NDE1: variants seen among roughly 807,000 people sequenced by gnomAD.
NDE1 encodes nudE neurodevelopment protein 1.
A neutral mutation model predicts 43.4 loss-of-function variants in NDE1; 28 were observed. That is an observed-to-expected ratio of 0.65 (90% CI 0.48 to 0.89). NDE1 has a LOEUF of 0.89. Ranked by LOEUF, NDE1 falls within the 40% of genes least tolerant of loss-of-function variation. NDE1 has a pLI of 0.00. For missense variants in NDE1, 441 were observed against 434.1 expected, an observed-to-expected ratio of 1.02 and a Z score of -0.14; for synonymous variants, 184 against 172.0, an observed-to-expected ratio of 1.07 and a Z score of -0.55.
rs1555551468 is a variant in NDE1 at position 15,719,591 on chromosome 16, T to C, written c.948-4600T>C. Reference sequence around the variant, plus strand: ...TAGCAAGGCGAGGCTTTACCTCTTGTAGCTGCATGAGGTCTGCTTCCAAGC... The same window carrying C: ...TAGCAAGGCGAGGCTTTACCTCTTGCAGCTGCATGAGGTCTGCTTCCAAGC... On this transcript the variant is annotated intron_variant, in intron 8 of 8. Coordinates refer to ENST00000396354, the MANE Select transcript of NDE1 (RefSeq NM_017668.3). The C allele has an allele frequency of 3.1e-6, 5 of 1,614,058 alleles. No individual in the cohort carries two copies. Among genetic ancestry groups the C allele is most frequent in the Non-Finnish European group, 4.2e-6 (5 of 1,180,054 alleles).
chr16:15,702,499 C>G (rs2039253277), intron 8 of NDE1, among the ~76,000 whole-genome samples: 1 of 152,016 alleles, frequency 6.6e-6, no homozygotes, highest in South Asian at 2.1e-4. Flanking sequence ...ACATGATCCT[C>G]CTGCCTTAGC....
intron 8 of NDE1, chr16:15,719,853 C>G: frequency 1.5e-6 from 2 of 1,290,858 alleles, no homozygotes; most frequent in South Asian, 2.4e-5. Context: ...GCATGGCTCT[C>G]AGTTCCAGGT....
intron 8 of NDE1, chr16:15,718,366 C>T: frequency 3.7e-6 from 6 of 1,607,944 alleles, no homozygotes; most frequent in Non-Finnish European, 5.1e-6. Context: ...TGTTGCCCTG[C>T]TCCTCCTCCA....
intron 3 of NDE1, 93 bp from the exon 4 acceptor site, chr16:15,677,708 C>G: frequency 2.1e-6 from 3 of 1,435,364 alleles, no homozygotes; most frequent in South Asian, 1.2e-5. Flanking sequence ...TTTAGCCTCC[C>G]GAGTAGCTGT....
rs551479045 is a variant in NDE1, at chr16:15,724,536, G to A, written c.*285G>A. The A allele has an allele frequency of 6.2e-7, 1 of 1,603,342 alleles. No homozygotes were observed. The highest frequency in any genetic ancestry group is 1.7e-5 in the Admixed American group (1 of 59,970). On this transcript the variant is annotated 3_prime_UTR_variant, in exon 9 of 9. Coordinates refer to ENST00000396354, the MANE Select transcript of NDE1 (RefSeq NM_017668.3). ...GAGAAACCCAATAGCAGGGGAAGCT[G>A]GGGGGTCAAGCACCATCGCACCAAC...
In NDE1 at chr16:15,694,149, C is replaced by G; in HGVS notation, c.704-16C>G. ...ATAGGTTGGTGAGTTACATGCTCTTCCCTTTGCACACCCAGGCCTGGACGA... is the reference window on the plus strand; with the variant it reads ...ATAGGTTGGTGAGTTACATGCTCTTGCCTTTGCACACCCAGGCCTGGACGA... On this transcript the variant is annotated splice_polypyrimidine_tract_variant and intron_variant, in intron 6 of 8. Transcript: ENST00000396354. The G allele has an allele frequency of 6.2e-7, 1 of 1,611,914 alleles. No homozygotes were observed. The highest frequency in any genetic ancestry group is 1.1e-5 in the South Asian group (1 of 90,870).
Position 15,723,473 on chromosome 16 carries a change from C to T in NDE1, c.948-718C>T, listed in dbSNP as rs573064877. Among the ~76,000 whole-genome samples the T allele has an allele frequency of 1.0e-3, 157 of 152,154 alleles. 1 individual carries two copies. Among genetic ancestry groups the T allele is most frequent in the Non-Finnish European group, 1.9e-3 (126 of 68,006 alleles). On this transcript the variant is annotated intron_variant, in intron 8 of 8. Coordinates refer to ENST00000396354, the MANE Select transcript of NDE1 (RefSeq NM_017668.3). ...ACCAGCCTGGACAACATGGCAAAACCCCATCTCTACTAAAAATACAAAAAT... is the reference window on the plus strand; with the variant it reads ...ACCAGCCTGGACAACATGGCAAAACTCCATCTCTACTAAAAATACAAAAAT...
At chr16:15,714,855 A>T in intron 8 of NDE1, 1 of 1,606,584 alleles carries the variant, frequency 6.2e-7, no homozygotes, top group Non-Finnish European at 8.5e-7. Flanking sequence ...CCGAGCCCCC[A>T]GTGCTTTTCT....
At chr16:15,678,028 G>C in intron 4 of NDE1, 79 bp downstream of exon 4, 1 of 1,552,696 alleles carries the variant, frequency 6.4e-7, no homozygotes. Context: ...ACTGGGCCCT[G>C]TGCTGAGTAT....
At chr16:15,677,977 G>T (rs1382004222) in intron 4 of NDE1, 28 bp downstream of exon 4, 4 of 1,613,366 alleles carry the variant, frequency 2.5e-6, no homozygotes, top group Non-Finnish European at 3.4e-6. Flanking sequence ...AAGCACGAGT[G>T]GGAGACTCTC....
chr16:15,720,196 G>A (rs2040392359), intron 8 of NDE1: 1 of 1,614,002 alleles, frequency 6.2e-7, no homozygotes, highest in Non-Finnish European at 8.5e-7. Context: ...TCCCCTTGAT[G>A]GCAGAGTCGG....
At chr16:15,690,353 C>CTTTTCTTTTTTTTTTTTTTTTTTTTT in intron 5 of NDE1, among the ~76,000 whole-genome samples, 1 of 80,950 alleles carries the variant, frequency 1.2e-5, no homozygotes, top group Non-Finnish European at 2.2e-5. Flanking sequence ...TTTTTTTTTT[C>CTTTTCTTTTTTTTTTTTTTTTTTTTT]TTTTTTTTTT....
chr16:15,706,430 TTGC>T (rs910689221), intron 8 of NDE1, among the ~76,000 whole-genome samples: 4 of 152,184 alleles, frequency 2.6e-5, no homozygotes, highest in African/African-American at 9.6e-5. Context: ...GGTTGGCCAG[TTGC>T]TGCGACTCAT....
intron 3 of NDE1, among the ~76,000 whole-genome samples, chr16:15,676,095 C>G (rs1337612698): frequency 6.6e-6 from 1 of 151,816 alleles, no homozygotes; most frequent in African/African-American, 2.4e-5. Context: ...ACATAGATCT[C>G]TCTCCCTTTC....
At chr16:15,661,571 G>C (rs534897384) in intron 1 of NDE1, among the ~76,000 whole-genome samples, 2 of 151,478 alleles carry the variant, frequency 1.3e-5, no homozygotes, top group African/African-American at 4.9e-5. Flanking sequence ...TCATCCTCTC[G>C]AGTAGCTGGA....
chr16:15,680,392 T>G (rs1047434438), intron 4 of NDE1, among the ~76,000 whole-genome samples: 5 of 152,164 alleles, frequency 3.3e-5, no homozygotes, highest in Non-Finnish European at 7.3e-5. Flanking sequence ...TTTCTAAGCG[T>G]TGTTTTCCAG....
chr16:15,651,118 C>T (rs542998087), intron 1 of NDE1, among the ~76,000 whole-genome samples: 3 of 152,194 alleles, frequency 2.0e-5, no homozygotes, highest in African/African-American at 4.8e-5. Flanking sequence ...TTATCTTCTC[C>T]GAGCCATCTC....
Position 15,706,659 on chromosome 16 carries a change from G to A in NDE1, c.947+9799G>A, listed in dbSNP as rs146811560. On this transcript the variant is annotated intron_variant, in intron 8 of 8. Transcript: ENST00000396354. Reference sequence around the variant, plus strand: ...GAGGTGAAGGCTGCAGTGAGCCAACGTTGTGCCACTGCACTCCAGCCTGGG... The same window carrying A: ...GAGGTGAAGGCTGCAGTGAGCCAACATTGTGCCACTGCACTCCAGCCTGGG... Among the ~76,000 whole-genome samples, 380 of 151,286 alleles carry A rather than the reference G, an allele frequency of 2.5e-3. 4 individuals carry two copies. The highest frequency in any genetic ancestry group is 8.4e-3 in the African/African-American group (345 of 41,224).
intron 8 of NDE1, chr16:15,718,732 G>A: frequency 1.9e-6 from 1 of 513,860 alleles, no homozygotes; most frequent in Non-Finnish European, 3.5e-6. Flanking sequence ...ATGAATGAAA[G>A]CAGCCACACC....
Sources: gnomAD v4.1 joint callset for allele counts (sites outside exome capture counted in the v4.1 genomes callset) on GRCh38, gnomAD v4.1.1 for gene constraint, MANE v1.5 for transcripts, NCBI Gene and HGNC (gene_info 2026-07-23, HGNC 2026-07-21) for gene names.